The following ABLIM2 variants were observed in gnomAD, a reference collection of about 807,000 sequenced individuals.
ABLIM2 encodes actin binding LIM protein family member 2, also known as actin-binding LIM protein 2.
In ABLIM2, 53 loss-of-function variants were observed where a neutral mutation model predicts 97.7. The observed-to-expected ratio is 0.54, with a 90% CI of 0.44 to 0.68. The LOEUF is 0.68. Ranked by LOEUF, ABLIM2 falls within the 30% of genes least tolerant of loss-of-function variation. The probability of loss-of-function intolerance (pLI) is 0.00; values close to 1 mark genes in which losing one functional copy is unlikely to be tolerated. For missense variants in ABLIM2, 835 were observed against 867.2 expected (o/e 0.96, Z 0.47); for synonymous variants, 361 against 345.8 (o/e 1.04, Z -0.49).
chr4:8,109,598 C>T (rs562641475), intron 1 of ABLIM2, among the ~76,000 whole-genome samples: 12 of 152,284 alleles, frequency 7.9e-5, no homozygotes, highest in Non-Finnish European at 1.5e-4. Context: ...TCCCTGCCCA[C>T]GGATGGAACT....
intron 9 of ABLIM2, among the ~76,000 whole-genome samples, chr4:8,037,059 T>C (rs1032497119): frequency 6.6e-5 from 10 of 152,364 alleles, no homozygotes; most frequent in African/African-American, 2.2e-4. Flanking sequence ...CCTAACACAA[T>C]GCAAATGTTG....
chr4:8,052,752 T>C (rs1233344563), intron 8 of ABLIM2, among the ~76,000 whole-genome samples: 1 of 152,252 alleles, frequency 6.6e-6, no homozygotes, highest in African/African-American at 2.4e-5. Context: ...TGCATCGGAA[T>C]GCTGTCCTGA....
intron 1 of ABLIM2, among the ~76,000 whole-genome samples, chr4:8,135,089 C>A (rs1192885325): frequency 6.6e-6 from 1 of 152,136 alleles, no homozygotes; most frequent in African/African-American, 2.4e-5. Flanking sequence ...GTGGGACATG[C>A]CACAAGGCCA....
intron 20 of ABLIM2, among the ~76,000 whole-genome samples, chr4:7,978,351 T>C (rs1437271254): frequency 6.6e-6 from 1 of 152,152 alleles, no homozygotes; most frequent in Admixed American, 6.5e-5. Flanking sequence ...GAAATCTGAG[T>C]GATTAAAACC....
rs1187596536 is a variant in ABLIM2, at chr4:8,124,028, C to A, written c.11-17391G>T. ...TGCTTCCCTTTTACTGAGACGACCA[C>A]TCTTAACAGCTCAGCGGCTGCTCTA... On this transcript the variant is annotated intron_variant, in intron 1 of 20. Coordinates refer to ENST00000447017, the MANE Select transcript of ABLIM2 (RefSeq NM_001130083.2). The surrounding 1 kb of genome is among the most constrained non-coding windows in gnomAD (Gnocchi z 6.1). Among the ~76,000 whole-genome samples the A allele has an allele frequency of 6.6e-6, 1 of 152,238 alleles. No individual in the cohort carries two copies. Among genetic ancestry groups the A allele is most frequent in the African/African-American group, 2.4e-5 (1 of 41,462 alleles).
chr4:8,030,689 T>G (rs1169280501), intron 10 of ABLIM2, among the ~76,000 whole-genome samples: 1 of 152,208 alleles, frequency 6.6e-6, no homozygotes, highest in Non-Finnish European at 1.5e-5. Context: ...GGGCGCACTC[T>G]CTCGGGCCGG....
At chr4:8,121,976 C>A (rs932206227) in intron 1 of ABLIM2, among the ~76,000 whole-genome samples, 4 of 152,248 alleles carry the variant, frequency 2.6e-5, no homozygotes, top group Non-Finnish European at 4.4e-5. Flanking sequence ...CAGCTCTCAA[C>A]TCCCTCTCTG....
intron 2 of ABLIM2, among the ~76,000 whole-genome samples, 179 bp downstream of exon 2, chr4:8,106,315 A>T (rs1013395162): frequency 2.0e-5 from 3 of 152,146 alleles, no homozygotes; most frequent in African/African-American, 7.2e-5. Context: ...TCTCCATCAC[A>T]TCCACAAGTG....
intron 17 of ABLIM2, chr4:7,989,345 C>T (rs1746929821): frequency 1.1e-6 from 1 of 943,914 alleles, no homozygotes. Flanking sequence ...TCGCAGAGTG[C>T]TGGGATTATA....
intron 5 of ABLIM2, among the ~76,000 whole-genome samples, chr4:8,079,540 G>A (rs1336210067): frequency 2.6e-5 from 4 of 152,154 alleles, no homozygotes; most frequent in Admixed American, 6.5e-5. Context: ...ACCTTGGTTT[G>A]GAGGTTTTAC....
At chr4:7,974,656 CCCACCTATCCAT>C (rs1731467339) in intron 20 of ABLIM2, among the ~76,000 whole-genome samples, 1 of 149,432 alleles carries the variant, frequency 6.7e-6, no homozygotes, top group African/African-American at 2.5e-5. Context: ...CACCCACCTA[CCCACCTATCCAT>C]CCACCCATCC....
At chr4:8,108,016 G>A (rs1441899001) in intron 1 of ABLIM2, among the ~76,000 whole-genome samples, 1 of 152,214 alleles carries the variant, frequency 6.6e-6, no homozygotes, top group Non-Finnish European at 1.5e-5. Flanking sequence ...AGAGTCCTCA[G>A]AAGAAACCAG....
At position 8,069,940 on chromosome 4, in the gene ABLIM2, ATG is replaced by A. The variant is rs376915944; in HGVS notation, c.675+7686_675+7687del. On this transcript the variant is annotated intron_variant, in intron 6 of 20. Coordinates refer to ENST00000447017, the MANE Select transcript of ABLIM2 (RefSeq NM_001130083.2). This position sits in a 1 kb window ranked among gnomAD's most constrained non-coding sequence, Gnocchi z 4.2. Reference sequence around the variant, plus strand: ...TGTTTCTTTCTGTGTGTTTATTTCCATGTGTGTTGTTTGTGTGCCTAAGCGTG... The same window carrying A: ...TGTTTCTTTCTGTGTGTTTATTTCCATGTGTTGTTTGTGTGCCTAAGCGTG... 1.5e-3 allele frequency among the ~76,000 whole-genome samples: 216 copies of A among 147,844 alleles called. No individual in the cohort carries two copies. The highest frequency in any genetic ancestry group is 5.0e-3 in the African/African-American group (199 of 39,914).
In ABLIM2 at chr4:8,085,628, G is replaced by C. The variant is rs535757673; in HGVS notation, c.454+2541C>G. 9.1e-5 allele frequency among the ~76,000 whole-genome samples: 13 copies of C among 142,982 alleles called. No individual in the cohort carries two copies. In the South Asian group the frequency reaches 2.4e-3, roughly 27 times the overall value. The allele number at this position is 142,982 out of a possible 152,430, so 93.8% of individuals were successfully genotyped here. On this transcript the variant is annotated intron_variant, in intron 4 of 20. Transcript: ENST00000447017. The surrounding 1 kb of genome is among the most constrained non-coding windows in gnomAD (Gnocchi z 6.1). Reference sequence around the variant, plus strand: ...TGGGGGGTGCCCACGCTGCAGCCCTGTCCACTCACGCAGGTCTGGGGGTGC... The same window carrying C: ...TGGGGGGTGCCCACGCTGCAGCCCTCTCCACTCACGCAGGTCTGGGGGTGC...
intron 14 of ABLIM2, among the ~76,000 whole-genome samples, chr4:8,011,903 C>T (rs1289471439): frequency 1.3e-5 from 2 of 152,178 alleles, no homozygotes. Flanking sequence ...CCTTCCCAAA[C>T]CCCATCTTAT....
rs1797793350 is a variant in ABLIM2 at position 8,054,443 on chromosome 4, C to G, written c.764-197G>C. Among the ~76,000 whole-genome samples, 1 of 152,258 alleles carries G rather than the reference C, an allele frequency of 6.6e-6. No homozygotes were observed. Among genetic ancestry groups the G allele is most frequent in the African/African-American group, 2.4e-5 (1 of 41,466 alleles). ...TACCCAGATCACAGTCCCCGCCCCT[C>G]AGGGGCTCACAGCCCAGTTGTGGGA... is the stretch of plus-strand genomic sequence containing the variant. On this transcript the variant is annotated intron_variant, in intron 7 of 20. Coordinates refer to ENST00000447017, the MANE Select transcript of ABLIM2 (RefSeq NM_001130083.2). The surrounding 1 kb of genome is among the most constrained non-coding windows in gnomAD (Gnocchi z 4.9).
chr4:8,019,083 G>A lies in ABLIM2; in HGVS notation c.1423+535C>T, dbSNP rs1340687377. Among the ~76,000 whole-genome samples, 5 of 152,220 alleles carry A rather than the reference G, an allele frequency of 3.3e-5. No individual in the cohort carries two copies. The highest frequency in any genetic ancestry group is 7.3e-5 in the Non-Finnish European group (5 of 68,042). On this transcript the variant is annotated intron_variant, in intron 14 of 20. Transcript: ENST00000447017. This position sits in a 1 kb window ranked among gnomAD's most constrained non-coding sequence, Gnocchi z 4.3. Reference sequence around the variant, plus strand: ...CACCTCCCAGGCAGGTTCACGTGGAGCAGAGCTGGGCGTCAGCTCCTATTT... The same window carrying A: ...CACCTCCCAGGCAGGTTCACGTGGAACAGAGCTGGGCGTCAGCTCCTATTT...
intron 1 of ABLIM2, among the ~76,000 whole-genome samples, chr4:8,143,011 G>T (rs1021920607): frequency 3.9e-5 from 6 of 152,104 alleles, no homozygotes; most frequent in African/African-American, 9.7e-5. Context: ...CCCTCTGCAG[G>T]CCCCCTCTTC....
rs1049908709 is a variant in ABLIM2 at position 8,082,809 on chromosome 4, C to T, written c.455-2007G>A. Among the ~76,000 whole-genome samples, 15 of 152,284 alleles carry T rather than the reference C, an allele frequency of 9.9e-5. No homozygotes were observed. Among genetic ancestry groups the T allele is most frequent in the African/African-American group, 2.6e-4 (11 of 41,564 alleles). Reference sequence around the variant, plus strand: ...CTCCGCCCTTCTCAAGTCCAGGAGGCGACCCCCACATCACCCAATCTGCCG... The same window carrying T: ...CTCCGCCCTTCTCAAGTCCAGGAGGTGACCCCCACATCACCCAATCTGCCG... On this transcript the variant is annotated intron_variant, in intron 4 of 20. Coordinates refer to ENST00000447017, the MANE Select transcript of ABLIM2 (RefSeq NM_001130083.2). This position sits in a 1 kb window ranked among gnomAD's most constrained non-coding sequence, Gnocchi z 5.6.
Sources: allele counts gnomAD v4.1 joint callset (sites outside exome capture counted in the v4.1 genomes callset), GRCh38; gene constraint gnomAD v4.1.1; non-coding constraint Gnocchi (gnomAD v3.1); transcripts MANE v1.5; gene names NCBI Gene and HGNC (gene_info 2026-07-23, HGNC 2026-07-21).